The following F5 variants were observed in gnomAD, a reference collection of about 807,000 sequenced individuals.
F5 encodes activated protein c cofactor.
Under a neutral mutation model 216.4 loss-of-function variants are expected in F5, and 138 were observed. That is an observed-to-expected ratio of 0.64 (90% confidence interval 0.56 to 0.73). The LOEUF is 0.73. Among genes scored for constraint, F5 ranks in the 30% least tolerant of loss-of-function variants. The probability of loss-of-function intolerance (pLI) is 0.00; values close to 1 mark genes in which losing one functional copy is unlikely to be tolerated. For missense variants in F5, 2,403 were observed against 2,674.0 expected, an observed-to-expected ratio of 0.90 and a Z score of 2.24; for synonymous variants, 916 against 930.7, an observed-to-expected ratio of 0.98 and a Z score of 0.29.
In F5 at chr1:169,550,624, A is replaced by C. The variant is rs749910293; in HGVS notation, c.1396+16T>G. On this transcript the variant is annotated intron_variant, in intron 9 of 24. Coordinates refer to ENST00000367797, the MANE Select transcript of F5 (RefSeq NM_000130.5). Reference sequence around the variant, plus strand: ...GAAGTTACTAGTTGGATTCAGTAGAAGTGAAAGATTCAAACCTGAGGTGAA... The same window carrying C: ...GAAGTTACTAGTTGGATTCAGTAGACGTGAAAGATTCAAACCTGAGGTGAA... 4 of 1,592,666 alleles carry C rather than the reference A, an allele frequency of 2.5e-6. No homozygotes were observed. The highest frequency in any genetic ancestry group is 1.7e-6 in the Non-Finnish European group (2 of 1,160,618).
chr1:169,584,823 A>G (rs1661067880), intron 1 of F5, among the ~76,000 whole-genome samples: 1 of 152,204 alleles, frequency 6.6e-6, no homozygotes, highest in African/African-American at 2.4e-5. Context: ...AACAATTCCT[A>G]CCAGAGGAAC....
At chr1:169,580,388 GTTTTTTT>G (rs539235732) in intron 2 of F5, among the ~76,000 whole-genome samples, 1 of 138,112 alleles carries the variant, frequency 7.2e-6, no homozygotes, top group African/African-American at 3.0e-5. Context: ...TGTTGTTGTT[GTTTTTTT>G]TTTTTTGAGA....
At position 169,542,651 on chromosome 1, in the gene F5, G is replaced by A. The variant is rs1285881809; in HGVS notation, c.2439C>T (p.Leu813=). The change falls in exon 13 of 25, where the codon CTC becomes CTT. Residue 813 remains leucine (L), a synonymous_variant. Coordinates refer to ENST00000367797, the MANE Select transcript of F5 (RefSeq NM_000130.5). ...ATTAGSPLRH[L]IGKNSVLNSS... The stretch of plus-strand genomic sequence containing the variant: ...AATTGAGAACTGAGTTCTTGCCAAT[G>A]AGGTGTCTCAGTGGGGAACCAGCTG... 2 of 1,614,130 alleles carry A rather than the reference G, an allele frequency of 1.2e-6. No individual in the cohort carries two copies. The highest frequency in any genetic ancestry group is 1.7e-6 in the Non-Finnish European group (2 of 1,179,990).
intron 23 of F5, among the ~76,000 whole-genome samples, chr1:169,517,855 A>G (rs1166045595): frequency 2.0e-5 from 3 of 152,212 alleles, no homozygotes; most frequent in African/African-American, 7.2e-5. Flanking sequence ...TCATTTAGGA[A>G]AATGAAAAAA....
In F5 at chr1:169,552,605, ATCT is replaced by A; in HGVS notation, c.1245_1247del (p.Glu415del). ...CTCTGATAATAGGACCCAAAATCCC[ATCT>A]TCTTTCATATTGGGATTCACTGTAT... On this transcript the variant is annotated inframe_deletion, in exon 8 of 25. Transcript: ENST00000367797. The A allele has an allele frequency of 6.2e-7, 1 of 1,613,738 alleles. No individual in the cohort carries two copies.
At position 169,541,922 on chromosome 1, in the gene F5, G is replaced by T. The variant is rs1218328927; in HGVS notation, c.3168C>A (p.Tyr1056Ter). Residue 1056 changes from tyrosine (Y) to a stop codon, truncating the protein, a stop_gained, in exon 13 of 25, where the codon TAC (tyrosine) becomes TAA (stop). Transcript: ENST00000367797. LOFTEE classifies it high-confidence loss of function. ...RTFHPLRSEAYNTFSERRLKH... is the reference protein window; with the variant it reads ...RTFHPLRSEA ...TAAGTCTTCTTTCTGAAAATGTGTTGTAGGCTTCACTTCTTAGAGGGTGAA... is the reference window on the plus strand; with the variant it reads ...TAAGTCTTCTTTCTGAAAATGTGTTTTAGGCTTCACTTCTTAGAGGGTGAA... 2 of 1,614,114 alleles carry T rather than the reference G, an allele frequency of 1.2e-6. No individual in the cohort carries two copies. The highest frequency in any genetic ancestry group is 1.7e-6 in the Non-Finnish European group (2 of 1,180,002).
chr1:169,525,662 C>T (rs561866274), intron 18 of F5, among the ~76,000 whole-genome samples: 2 of 152,290 alleles, frequency 1.3e-5, no homozygotes, highest in Admixed American at 1.3e-4. Context: ...CCATGGATCA[C>T]AAGTCATGAA....
intron 2 of F5, among the ~76,000 whole-genome samples, chr1:169,573,208 A>G (rs1210915487): frequency 6.6e-6 from 1 of 152,162 alleles, no homozygotes; most frequent in Non-Finnish European, 1.5e-5. Flanking sequence ...TCAGCCTCCC[A>G]AAGTGCTGGG....
intron 13 of F5, among the ~76,000 whole-genome samples, chr1:169,537,164 A>C (rs1471439527): frequency 6.6e-6 from 1 of 152,142 alleles, no homozygotes; most frequent in South Asian, 2.1e-4. Flanking sequence ...GAACTTAATA[A>C]ATTTTTGTCA....
rs1659863861 is a variant in F5 at position 169,541,951 on chromosome 1, T to A, written c.3139A>T (p.Thr1047Ser). 6.2e-7 allele frequency: 1 copy of A among 1,614,108 alleles called. No individual in the cohort carries two copies. The highest frequency in any genetic ancestry group is 1.1e-5 in the South Asian group (1 of 91,086). The part of the protein sequence containing the change: ...HTHHAPLSPR[T>S]FHPLRSEAYN... ...GCTTCACTTCTTAGAGGGTGAAAGG[T>A]CCTCGGAGATAAAGGAGCATGGTGT... The change falls in exon 13 of 25, where the codon ACC becomes TCC. Residue 1047 changes from threonine (T) to serine (S), a missense_variant. Physicochemically the swap from Thr to Ser is moderately conservative, Grantham distance 58 (BLOSUM62 1). Transcript: ENST00000367797.
intron 2 of F5, among the ~76,000 whole-genome samples, chr1:169,580,575 G>T (rs1004750109): frequency 6.6e-6 from 1 of 151,910 alleles, no homozygotes; most frequent in Non-Finnish European, 1.5e-5. Context: ...GTAGAGGCGG[G>T]GTTTCACCAT....
At chr1:169,560,385 A>C (rs1660445622) in intron 4 of F5, among the ~76,000 whole-genome samples, 169 bp downstream of exon 4, 1 of 152,070 alleles carries the variant, frequency 6.6e-6, no homozygotes, top group Admixed American at 6.6e-5. Context: ...CCACACCCTG[A>C]AATAGCAGGT....
intron 7 of F5, 136 bp from the exon 8 acceptor site, chr1:169,552,870 T>A: frequency 1.5e-6 from 1 of 679,694 alleles, no homozygotes; most frequent in East Asian, 2.7e-5. Context: ...TTAGTGTAGT[T>A]TGCAAAGTCC....
intron 14 of F5, among the ~76,000 whole-genome samples, chr1:169,535,344 G>T (rs1192995382): frequency 6.6e-6 from 1 of 152,094 alleles, no homozygotes; most frequent in African/African-American, 2.4e-5. Flanking sequence ...CAATTGTGAG[G>T]TTTTGTTTAT....
At position 169,540,804 on chromosome 1, in the gene F5, AG is replaced by A; in HGVS notation, c.4285del (p.Leu1429PhefsTer8). ...DLSPNFGQMSLSPDLSQVTLS... is the reference protein window; with the variant it reads ...DLSPNFGQMSXSPDLSQVTLS... ...AGTCACCTGGCTGAGGTCTGGGGAA[AG>A]GGACATCTGACCAAAGTTTGGGGAA... is the stretch of plus-strand genomic sequence containing the variant. On this transcript the variant is annotated frameshift_variant, in exon 13 of 25. Coordinates refer to ENST00000367797, the MANE Select transcript of F5 (RefSeq NM_000130.5). LOFTEE classifies it high-confidence loss of function. 5 of 1,614,062 alleles carry A rather than the reference AG, an allele frequency of 3.1e-6. No individual in the cohort carries two copies. The highest frequency in any genetic ancestry group is 4.2e-6 in the Non-Finnish European group (5 of 1,179,988).
chr1:169,567,412 G>T (rs2187955), intron 3 of F5, among the ~76,000 whole-genome samples: 1 of 151,680 alleles, frequency 6.6e-6, no homozygotes, highest in Admixed American at 6.6e-5. Context: ...GGCCCCACCT[G>T]CTAATGCCAT....
At chr1:169,569,552 A>C (rs1227791694) in intron 3 of F5, among the ~76,000 whole-genome samples, 1 of 152,126 alleles carries the variant, frequency 6.6e-6, no homozygotes, top group Non-Finnish European at 1.5e-5. Context: ...GATGCATGCT[A>C]GTTACAGAGT....
rs1433621918 is a variant in F5, at chr1:169,528,109, A to T, written c.5420-15T>A. ...CCCATTAATGGCTGAAAGGACAAAG[A>T]GTTGAAATCAATTAAAAATCTGTTG... On this transcript the variant is annotated splice_polypyrimidine_tract_variant and intron_variant, in intron 16 of 24. Transcript: ENST00000367797. 1 of 1,613,534 alleles carries T rather than the reference A, an allele frequency of 6.2e-7. No homozygotes were observed. The highest frequency in any genetic ancestry group is 1.7e-5 in the Admixed American group (1 of 59,966).
intron 18 of F5, 95 bp from the exon 19 acceptor site, chr1:169,525,003 T>C (rs1320399376): frequency 2.0e-5 from 20 of 990,422 alleles, no homozygotes; most frequent in Non-Finnish European, 2.9e-5. Flanking sequence ...TCTGACTCAA[T>C]AATTAGATAT....
Sources: gnomAD v4.1 joint callset for allele counts (sites outside exome capture counted in the v4.1 genomes callset) on GRCh38, gnomAD v4.1.1 for gene constraint, MANE v1.5 for transcripts, NCBI Gene and HGNC (gene_info 2026-07-23, HGNC 2026-07-21) for gene names.